The following NOL4 variants were observed in gnomAD, a reference collection of about 807,000 sequenced individuals.
NOL4 encodes cancer/testis antigen 125.
Under a neutral mutation model 75.9 loss-of-function variants are expected in NOL4, and 17 were observed. The observed-to-expected ratio is 0.22, with a 90% CI of 0.15 to 0.34. The LOEUF is 0.34. NOL4 is among the 10% of genes least tolerant of loss of function. NOL4 has a pLI of 1.00. For missense variants in NOL4, 614 were observed against 793.5 expected (o/e 0.77, Z 2.72); for synonymous variants, 292 against 289.9 (o/e 1.01, Z -0.07).
At chr18:34,111,189 T>A (rs1433477968) in intron 2 of NOL4, among the ~76,000 whole-genome samples, 1 of 152,166 alleles carries the variant, frequency 6.6e-6, no homozygotes, top group Non-Finnish European at 1.5e-5. Context: ...CATATGTGTG[T>A]GTGCACACAT....
intron 8 of NOL4, among the ~76,000 whole-genome samples, chr18:33,948,810 C>A (rs1040726108): frequency 6.6e-6 from 1 of 152,002 alleles, no homozygotes; most frequent in Non-Finnish European, 1.5e-5. Flanking sequence ...TCTCTGCCAT[C>A]ATAGAGTTTA....
In NOL4 at chr18:34,207,819, CTTCTGTT is replaced by C. The variant is rs960758441; in HGVS notation, c.264+15164_264+15170del. Among the ~76,000 whole-genome samples the C allele has an allele frequency of 5.0e-4, 76 of 152,268 alleles. No individual in the cohort carries two copies. The East Asian group carries it at 0.012, about 24-fold the overall frequency. ...TCTTTTGCCACAGGGACCAAGGGAACTTCTGTTTTCTGTTCCTCTGGCCAGAGACAGG... is the reference window on the plus strand; with the variant it reads ...TCTTTTGCCACAGGGACCAAGGGAACTTCTGTTCCTCTGGCCAGAGACAGG... On this transcript the variant is annotated intron_variant, in intron 1 of 10. Coordinates refer to ENST00000261592, the MANE Select transcript of NOL4 (RefSeq NM_003787.5).
chr18:34,077,811 A>G (rs2077818727), intron 5 of NOL4, among the ~76,000 whole-genome samples: 3 of 152,106 alleles, frequency 2.0e-5, no homozygotes, highest in African/African-American at 7.2e-5. Flanking sequence ...TAATTTTACT[A>G]CTCTCCATTA....
At chr18:34,073,735 T>G (rs1006252413) in intron 5 of NOL4, among the ~76,000 whole-genome samples, 4 of 152,032 alleles carry the variant, frequency 2.6e-5, no homozygotes, top group Non-Finnish European at 5.9e-5. Context: ...TTGTATATAT[T>G]AAGTAGTGAA....
chr18:34,084,989 T>A (rs1209665038), intron 5 of NOL4, among the ~76,000 whole-genome samples: 1 of 152,182 alleles, frequency 6.6e-6, no homozygotes, highest in Admixed American at 6.5e-5. Flanking sequence ...GTGTTCAGTT[T>A]ACGGTAAGAG....
At chr18:34,168,635 C>A (rs910271803) in intron 1 of NOL4, among the ~76,000 whole-genome samples, 2 of 151,044 alleles carry the variant, frequency 1.3e-5, no homozygotes, top group African/African-American at 4.9e-5. Flanking sequence ...GGCTATTGTC[C>A]ATGTTCTGGA....
chr18:34,061,058 G>A (rs770636578), intron 5 of NOL4, among the ~76,000 whole-genome samples: 22 of 152,026 alleles, frequency 1.4e-4, no homozygotes, highest in African/African-American at 4.8e-4. Context: ...ACGCTGACAC[G>A]CCCTAAGAGT....
At chr18:34,084,864 C>T (rs2078175231) in intron 5 of NOL4, among the ~76,000 whole-genome samples, 1 of 152,162 alleles carries the variant, frequency 6.6e-6, no homozygotes, top group Admixed American at 6.5e-5. Context: ...ACACCAGCTT[C>T]AAAGCCCTAC....
intron 10 of NOL4, among the ~76,000 whole-genome samples, chr18:33,871,685 A>G (rs1189665792): frequency 6.6e-6 from 1 of 152,056 alleles, no homozygotes; most frequent in Admixed American, 6.6e-5. Context: ...GAGTAGGCAC[A>G]CCACAAAATT....
At chr18:34,041,483 T>C (rs1273680813) in intron 5 of NOL4, among the ~76,000 whole-genome samples, 1 of 150,946 alleles carries the variant, frequency 6.6e-6, no homozygotes, top group Non-Finnish European at 1.5e-5. Context: ...TGGGAAATAG[T>C]TATCCATGGG....
At chr18:34,218,681 G>A (rs1027009530) in intron 1 of NOL4, among the ~76,000 whole-genome samples, 1 of 151,630 alleles carries the variant, frequency 6.6e-6, no homozygotes, top group Non-Finnish European at 1.5e-5. Context: ...TATGCTACAG[G>A]ATCTCCCAAA....
chr18:34,025,500 C>CA (rs920406425), intron 5 of NOL4, among the ~76,000 whole-genome samples: 1 of 152,130 alleles, frequency 6.6e-6, no homozygotes, highest in African/African-American at 2.4e-5. Flanking sequence ...GAAGAATTGT[C>CA]AAAACCATCA....
chr18:34,071,438 G>GAC (rs61428886), intron 5 of NOL4, among the ~76,000 whole-genome samples: 39,613 of 147,592 alleles, frequency 0.27, 5,385 homozygotes, highest in East Asian at 0.39. Context: ...CAGACAGACA[G>GAC]ACACACACAC....
At chr18:34,122,929 C>A (rs2080212528) in intron 2 of NOL4, among the ~76,000 whole-genome samples, 1 of 152,008 alleles carries the variant, frequency 6.6e-6, no homozygotes, top group South Asian at 2.1e-4. Flanking sequence ...CGCATTGGCT[C>A]CTTTTCACCA....
At chr18:34,189,850 A>G (rs551908625) in intron 1 of NOL4, among the ~76,000 whole-genome samples, 2 of 152,114 alleles carry the variant, frequency 1.3e-5, no homozygotes, top group South Asian at 2.1e-4. Context: ...GCAGTGCTCT[A>G]TGGACTTGGA....
intron 5 of NOL4, among the ~76,000 whole-genome samples, chr18:34,074,520 T>A (rs2077664038): frequency 6.6e-6 from 1 of 152,056 alleles, no homozygotes; most frequent in East Asian, 1.9e-4. Flanking sequence ...TAGTATCCAT[T>A]TTTTATGCTT....
intron 6 of NOL4, among the ~76,000 whole-genome samples, chr18:34,000,403 A>G (rs951209378): frequency 6.7e-6 from 1 of 149,032 alleles, no homozygotes; most frequent in Non-Finnish European, 1.5e-5. Context: ...GGATTCAACT[A>G]TGAATAAAAA....
chr18:33,882,915 A>G (rs1170845857), intron 10 of NOL4, among the ~76,000 whole-genome samples: 2 of 151,968 alleles, frequency 1.3e-5, no homozygotes. Context: ...AGGGACATGG[A>G]TGAAATTGGA....
chr18:33,975,580 T>C (rs2071429432), intron 6 of NOL4, among the ~76,000 whole-genome samples: 1 of 151,974 alleles, frequency 6.6e-6, no homozygotes, highest in Non-Finnish European at 1.5e-5. Flanking sequence ...GAGACCAGAC[T>C]TGGCCAACAT....
Sources: allele counts gnomAD v4.1 joint callset (sites outside exome capture counted in the v4.1 genomes callset), GRCh38; gene constraint gnomAD v4.1.1; transcripts MANE v1.5; gene names NCBI Gene and HGNC (gene_info 2026-07-23, HGNC 2026-07-21).